MTMR9: variants seen among roughly 807,000 people sequenced by gnomAD.
MTMR9 encodes the protein myotubularin related protein 9.
A neutral mutation model predicts 69.5 loss-of-function variants in MTMR9; 39 were observed. The ratio of observed to expected loss-of-function variants is 0.56; its 90% CI spans 0.43 to 0.73. The LOEUF (loss-of-function observed/expected upper bound fraction) is 0.73, where lower values mean the gene tolerates loss of function less well. Among genes scored for constraint, MTMR9 ranks in the 30% least tolerant of loss-of-function variants. The pLI is 0.00. For missense variants in MTMR9, 900 were observed against 671.2 expected (o/e 1.34, Z -3.77); for synonymous variants, 354 against 240.8 (o/e 1.47, Z -4.35).
At chr8:11,309,090 C>A (rs1800086369) in intron 5 of MTMR9, among the ~76,000 whole-genome samples, 1 of 152,144 alleles carries the variant, frequency 6.6e-6, no homozygotes, top group African/African-American at 2.4e-5. Context: ...ATAAGTGTCT[C>A]TAGGTGGGTG....
At chr8:11,330,802 C>A, downstream of MTMR9, 2 of 469,526 alleles carry the variant, frequency 4.3e-6, no homozygotes, top group Non-Finnish European at 7.5e-6. Flanking sequence ...GGTCCTCTGC[C>A]TAGGAAAACC....
chr8:11,336,740 T>C, the MTMR9 span, among the ~76,000 whole-genome samples: 1 of 152,316 alleles, frequency 6.6e-6, no homozygotes, highest in East Asian at 1.9e-4. Context: ...AGGACGCCAG[T>C]GATGCCAGCT....
intron 3 of MTMR9, among the ~76,000 whole-genome samples, chr8:11,303,043 G>A (rs943025232): frequency 2.0e-5 from 3 of 151,282 alleles, no homozygotes; most frequent in Non-Finnish European, 2.9e-5. Flanking sequence ...CATTCCCTCC[G>A]ATTTATAAAG....
the MTMR9 span, among the ~76,000 whole-genome samples, chr8:11,335,482 T>C: frequency 6.6e-6 from 1 of 152,204 alleles, no homozygotes; most frequent in East Asian, 1.9e-4. Flanking sequence ...TGTCAAGATA[T>C]CAGTGCTTCC....
chr8:11,302,568 G>C (rs1042277259), intron 3 of MTMR9, among the ~76,000 whole-genome samples: 2 of 152,110 alleles, frequency 1.3e-5, no homozygotes, highest in African/African-American at 4.8e-5. Flanking sequence ...CTTAGAGTTG[G>C]ATTTGAAGGA....
chr8:11,297,183 G>A (rs1799591083), intron 2 of MTMR9, among the ~76,000 whole-genome samples: 2 of 152,154 alleles, frequency 1.3e-5, no homozygotes, highest in South Asian at 4.1e-4. Context: ...TTAAAAATGG[G>A]TAGAAAGTCT....
At chr8:11,308,520 C>T (rs1585123903) in intron 5 of MTMR9, among the ~76,000 whole-genome samples, 1 of 152,212 alleles carries the variant, frequency 6.6e-6, no homozygotes, top group Non-Finnish European at 1.5e-5. Flanking sequence ...TTTTAATCTC[C>T]TTACTCATTA....
chr8:11,302,624 A>G (rs1199598288), intron 3 of MTMR9, among the ~76,000 whole-genome samples: 3 of 152,132 alleles, frequency 2.0e-5, no homozygotes, highest in African/African-American at 4.8e-5. Flanking sequence ...CCAAAAACAT[A>G]AAAAAAGCAA....
rs551732853 is a variant in MTMR9 at position 11,326,377 on chromosome 8, A to G, written c.*3589A>G. 5.2e-4 allele frequency: 79 copies of G among 152,366 alleles called. No individual in the cohort carries two copies. Among genetic ancestry groups the G allele is most frequent in the African/African-American group, 1.8e-3 (75 of 41,592 alleles). The allele number at this position is 152,366 out of a possible 1,614,324, so 9.4% of individuals were successfully genotyped here. On this transcript the variant is annotated 3_prime_UTR_variant, in exon 10 of 10. Transcript: ENST00000221086. ...TTATCAGAAAGGTATTTCCTGGACC[A>G]GAAATGGGCAATAGTTACAATAGTT...
the MTMR9 span, among the ~76,000 whole-genome samples, chr8:11,333,891 G>A: frequency 1.9e-4 from 29 of 152,222 alleles, no homozygotes; most frequent in Non-Finnish European, 5.9e-5. Context: ...GTATTAAGAG[G>A]TGGAACCTTT....
chr8:11,287,965 G>C (rs1395315915), intron 1 of MTMR9, among the ~76,000 whole-genome samples: 9 of 115,638 alleles, frequency 7.8e-5, no homozygotes, highest in Non-Finnish European at 1.3e-4. Flanking sequence ...TATATACTAT[G>C]TATTATATAT....
intron 3 of MTMR9, among the ~76,000 whole-genome samples, chr8:11,303,406 C>A (rs1310883235): frequency 6.6e-6 from 1 of 151,542 alleles, no homozygotes; most frequent in Admixed American, 6.6e-5. Context: ...AAGGTAAACA[C>A]TGAAAAAGCT....
chr8:11,302,381 C>G lies in MTMR9; in HGVS notation c.417+2233C>G, dbSNP rs534680527. Among the ~76,000 whole-genome samples, 27 of 148,614 alleles carry G rather than the reference C, an allele frequency of 1.8e-4. No homozygotes were observed. The South Asian group carries it at 5.8e-3, about 32-fold the overall frequency. ...CAGTAGAAGTTATTGAACCCTTAAG[C>G]TGAGGTATCCCAGCAAATACCATAC... On this transcript the variant is annotated intron_variant, in intron 3 of 9. Transcript: ENST00000221086.
In MTMR9 at chr8:11,323,566, A is replaced by G. The variant is rs1418447091; in HGVS notation, c.*778A>G. 3.3e-5 allele frequency: 5 copies of G among 152,222 alleles called. No individual in the cohort carries two copies. Among genetic ancestry groups the G allele is most frequent in the East Asian group, 3.8e-4 (2 of 5,202 alleles). 9.4% of individuals were successfully genotyped at this position (152,222 alleles called of 1,614,324 possible). A position where few individuals can be genotyped will look rare whatever the true frequency, so the allele number is the denominator to read the frequency against. ...TTCAGGTTTTGAGCATACATATACA[A>G]TGTGTTTCAAATGCTGCTTGTAAAA... is the stretch of plus-strand genomic sequence containing the variant. On this transcript the variant is annotated 3_prime_UTR_variant, in exon 10 of 10. Transcript: ENST00000221086.
rs760349797 is a variant in MTMR9 at position 11,304,890 on chromosome 8, C to G, written c.467C>G (p.Pro156Arg). 9.9e-6 allele frequency: 16 copies of G among 1,613,888 alleles called. No individual in the cohort carries two copies. The highest frequency in any genetic ancestry group is 1.4e-5 in the Non-Finnish European group (16 of 1,179,948). Residue 156 changes from proline (P) to arginine (R), a missense_variant, in exon 4 of 10, where the codon CCC (proline) becomes CGC (arginine). Pro to Arg is a moderately radical substitution (Grantham distance 103). Transcript: ENST00000221086. Reference protein sequence around the residue: ...SYVNKEFAVCPSYPPIVTVPK... With the variant: ...SYVNKEFAVCRSYPPIVTVPK... ...GTCAATAAGGAATTTGCTGTCTGTC[C>G]CTCTTACCCACCAATTGTCACAGTG...
the MTMR9 span, among the ~76,000 whole-genome samples, chr8:11,334,157 T>C: frequency 6.6e-6 from 1 of 152,188 alleles, no homozygotes; most frequent in Non-Finnish European, 1.5e-5. Flanking sequence ...CAGATAAACT[T>C]GTATATAAAT....
intron 3 of MTMR9, chr8:11,300,394 G>A (rs559554879): frequency 2.5e-5 from 7 of 274,928 alleles, no homozygotes; most frequent in African/African-American, 1.1e-4. Context: ...TAAACAGAAC[G>A]CTTGTAAATA....
intron 2 of MTMR9, chr8:11,298,663 T>TC (rs1258328509): frequency 1.4e-6 from 1 of 712,414 alleles, no homozygotes; most frequent in Non-Finnish European, 1.7e-6. Context: ...GGTGAATGTC[T>TC]CCATCATTCC....
intron 6 of MTMR9, among the ~76,000 whole-genome samples, chr8:11,312,940 G>A (rs2736258): frequency 0.66 from 100,587 of 152,138 alleles, 34,889 homozygotes; most frequent in African/African-American, 0.87. Context: ...TTTGAAAGGA[G>A]TCTTTTCTTC....
Sources: gnomAD v4.1 joint callset for allele counts (sites outside exome capture counted in the v4.1 genomes callset) on GRCh38, gnomAD v4.1.1 for gene constraint, MANE v1.5 for transcripts, NCBI Gene and HGNC (gene_info 2026-07-23, HGNC 2026-07-21) for gene names.